Variants in WWOX observed in about 807,000 individuals in gnomAD.
The protein encoded by WWOX is WW domain containing oxidoreductase.
Under a neutral mutation model 46.2 loss-of-function variants are expected in WWOX, and 69 were observed. The observed-to-expected ratio is 1.49, with a 90% CI of 1.23 to 1.82. WWOX has a LOEUF of 1.82. Among genes scored for constraint, WWOX ranks in the 40% most tolerant of loss-of-function variants. The pLI is 0.00. For synonymous variants in WWOX, 359 were observed against 202.6 expected, an observed-to-expected ratio of 1.77 and a Z score of -6.56; for missense variants, 919 against 542.6, an observed-to-expected ratio of 1.69 and a Z score of -6.89.
chr16:78,108,817 A>G (rs1310305498), intron 2 of WWOX, among the ~76,000 whole-genome samples: 2 of 152,170 alleles, frequency 1.3e-5, no homozygotes, highest in East Asian at 1.9e-4. Context: ...TTGAAAGCGC[A>G]TCTCTTCTAA....
intron 1 of WWOX, among the ~76,000 whole-genome samples, chr16:78,106,409 C>G (rs528561395): frequency 3.0e-5 from 4 of 131,826 alleles, no homozygotes; most frequent in Non-Finnish European, 6.6e-5. Flanking sequence ...AGAGTCAGAA[C>G]GGTTTTTTTT....
intron 7 of WWOX, 126 bp downstream of exon 7, chr16:78,425,181 G>C: frequency 7.7e-7 from 1 of 1,307,124 alleles, no homozygotes; most frequent in South Asian, 1.3e-5. Flanking sequence ...GACTCAGCTT[G>C]GCTCACTTAA....
At chr16:78,705,689 T>C (rs1337531201) in intron 8 of WWOX, among the ~76,000 whole-genome samples, 2 of 152,246 alleles carry the variant, frequency 1.3e-5, no homozygotes, top group Non-Finnish European at 2.9e-5. Flanking sequence ...TATTTATTTA[T>C]TTATTTGCTT....
chr16:78,749,471 G>T (rs896871777), intron 8 of WWOX, among the ~76,000 whole-genome samples: 1 of 152,186 alleles, frequency 6.6e-6, no homozygotes, highest in African/African-American at 2.4e-5. Context: ...TTGGGTTCTG[G>T]TGATAGAATA....
chr16:79,084,308 A>T (rs1052064912), intron 8 of WWOX, among the ~76,000 whole-genome samples: 7 of 152,246 alleles, frequency 4.6e-5, no homozygotes, highest in Non-Finnish European at 8.8e-5. Context: ...TAGAGAAAAT[A>T]TGTAAAGATC....
intron 6 of WWOX, among the ~76,000 whole-genome samples, chr16:78,411,193 G>C (rs2151949972): frequency 6.6e-6 from 1 of 152,322 alleles, no homozygotes; most frequent in Admixed American, 6.5e-5. Context: ...ACAAAAGTAT[G>C]AAAACCAGGA....
At chr16:78,809,154 C>G (rs1001907564) in intron 8 of WWOX, among the ~76,000 whole-genome samples, 12 of 151,966 alleles carry the variant, frequency 7.9e-5, no homozygotes, top group African/African-American at 2.7e-4. Context: ...CAGATGCAAT[C>G]TCAAGTCATA....
chr16:78,707,008 A>T (rs887195317), intron 8 of WWOX, among the ~76,000 whole-genome samples: 1 of 152,182 alleles, frequency 6.6e-6, no homozygotes, highest in African/African-American at 2.4e-5. Context: ...AGTAGGCCTA[A>T]GGAGACCATG....
At chr16:78,796,395 C>T (rs968893872) in intron 8 of WWOX, among the ~76,000 whole-genome samples, 4 of 152,180 alleles carry the variant, frequency 2.6e-5, no homozygotes, top group South Asian at 2.1e-4. Flanking sequence ...ATAGGTCAAG[C>T]CTGGAAGCAG....
intron 6 of WWOX, among the ~76,000 whole-genome samples, chr16:78,397,695 G>A (rs1218560820): frequency 2.0e-5 from 3 of 152,178 alleles, no homozygotes; most frequent in African/African-American, 7.2e-5. Context: ...CAATTAGAAA[G>A]GTCAGTTCAA....
chr16:78,445,114 G>A (rs1258907370), intron 8 of WWOX, among the ~76,000 whole-genome samples: 5 of 152,158 alleles, frequency 3.3e-5, no homozygotes, highest in Non-Finnish European at 7.3e-5. Context: ...GTACCACCTC[G>A]TGGGGTGAAG....
intron 8 of WWOX, among the ~76,000 whole-genome samples, chr16:78,833,438 C>G (rs1014041304): frequency 6.6e-6 from 1 of 151,980 alleles, no homozygotes; most frequent in Non-Finnish European, 1.5e-5. Flanking sequence ...CCTCCTCCTC[C>G]TCCTCCTCCT....
At chr16:78,774,685 G>C (rs1279588684) in intron 8 of WWOX, among the ~76,000 whole-genome samples, 1 of 152,066 alleles carries the variant, frequency 6.6e-6, no homozygotes, top group Non-Finnish European at 1.5e-5. Flanking sequence ...CTCATTGTCT[G>C]TGTGGGGGGA....
intron 4 of WWOX, among the ~76,000 whole-genome samples, chr16:78,141,188 A>G (rs1325404188): frequency 6.6e-6 from 1 of 152,188 alleles, no homozygotes; most frequent in East Asian, 1.9e-4. Flanking sequence ...GTGGCTGCTT[A>G]GTGAGGATGT....
rs182421028 is a variant in WWOX at position 78,589,143 on chromosome 16, C to G, written c.1056+156391C>G. 1.4e-4 allele frequency among the ~76,000 whole-genome samples: 21 copies of G among 152,246 alleles called. No individual in the cohort carries two copies. In the East Asian group the frequency reaches 3.7e-3, roughly 27 times the overall value. ...CTCTCAAGTTTTGGCAGGGTTGAGTCTAGTATTTCTGTTGGGATCCGGGGA... is the reference window on the plus strand; with the variant it reads ...CTCTCAAGTTTTGGCAGGGTTGAGTGTAGTATTTCTGTTGGGATCCGGGGA... On this transcript the variant is annotated intron_variant, in intron 8 of 8. Coordinates refer to ENST00000566780, the MANE Select transcript of WWOX (RefSeq NM_016373.4).
At position 78,738,869 on chromosome 16, in the gene WWOX, A is replaced by C. The variant is rs1311561225; in HGVS notation, c.1056+306117A>C. Among the ~76,000 whole-genome samples the C allele has an allele frequency of 2.0e-5, 3 of 152,254 alleles. No individual in the cohort carries two copies. The East Asian group carries it at 5.8e-4, about 29-fold the overall frequency. ...AGATAGAGATTGTCCCTTAAGCCAC[A>C]TTCCATTCTTCATATTTTTGTACCC... On this transcript the variant is annotated intron_variant, in intron 8 of 8. Coordinates refer to ENST00000566780, the MANE Select transcript of WWOX (RefSeq NM_016373.4).
intron 8 of WWOX, among the ~76,000 whole-genome samples, chr16:79,128,900 C>G (rs1311059617): frequency 1.3e-5 from 2 of 152,116 alleles, no homozygotes; most frequent in East Asian, 1.9e-4. Context: ...GTGTCACGAT[C>G]CCACAACCCG....
intron 5 of WWOX, among the ~76,000 whole-genome samples, chr16:78,323,207 C>T (rs530111885): frequency 8.5e-5 from 13 of 152,158 alleles, no homozygotes; most frequent in East Asian, 7.8e-4. Flanking sequence ...CCCGGGTTCA[C>T]GCCATTCTCC....
intron 8 of WWOX, among the ~76,000 whole-genome samples, chr16:78,588,996 C>T (rs1054311433): frequency 1.3e-5 from 2 of 152,158 alleles, no homozygotes; most frequent in Non-Finnish European, 2.9e-5. Context: ...GGAATGTGGC[C>T]ATCATAGAAG....
Sources: allele counts gnomAD v4.1 joint callset (sites outside exome capture counted in the v4.1 genomes callset), GRCh38; gene constraint gnomAD v4.1.1; transcripts MANE v1.5; gene names NCBI Gene and HGNC (gene_info 2026-07-23, HGNC 2026-07-21).